Variants in SYT1 observed in about 807,000 individuals in gnomAD.
SYT1 encodes the protein synaptotagmin-1.
Under a neutral mutation model 44.8 loss-of-function variants are expected in SYT1, and 8 were observed. That is an observed-to-expected ratio of 0.18 (90% CI 0.10 to 0.32). The LOEUF (loss-of-function observed/expected upper bound fraction) is 0.32. Among genes scored for constraint, SYT1 ranks in the 10% least tolerant of loss-of-function variants. The probability of loss-of-function intolerance (pLI) is 1.00; values close to 1 mark genes in which losing one functional copy is unlikely to be tolerated. For synonymous variants in SYT1, 154 were observed against 188.8 expected (o/e 0.82, Z 1.51); for missense variants, 286 against 509.3 (o/e 0.56, Z 4.22).
chr12:78,966,597 A>G (rs1868255282), intron 1 of SYT1, among the ~76,000 whole-genome samples: 1 of 152,150 alleles, frequency 6.6e-6, no homozygotes. Flanking sequence ...CTTCCATATT[A>G]CTTATATCAG....
At chr12:78,874,597 T>C (rs1349754926) in intron 1 of SYT1, among the ~76,000 whole-genome samples, 1 of 151,588 alleles carries the variant, frequency 6.6e-6, no homozygotes, top group Non-Finnish European at 1.5e-5. Flanking sequence ...TTTCTCTTTT[T>C]TTATTTTCAG....
At chr12:78,981,568 C>A (rs74499572) in intron 2 of SYT1, among the ~76,000 whole-genome samples, 1 of 151,898 alleles carries the variant, frequency 6.6e-6, no homozygotes, top group Non-Finnish European at 1.5e-5. Flanking sequence ...GAAGGGAGAA[C>A]TAATGAATCT....
rs764080528 is a variant in SYT1 at position 79,200,531 on chromosome 12, T to C, written c.-17-16972T>C. ...TCAAAAGGGTATGAAAGAGTAAGAA[T>C]AGCCCCTCTGCCAGACAGAAAATGC... is the stretch of plus-strand genomic sequence containing the variant. On this transcript the variant is annotated intron_variant, in intron 3 of 10. Coordinates refer to ENST00000261205, the MANE Select transcript of SYT1 (RefSeq NM_005639.3). Among the ~76,000 whole-genome samples the C allele has an allele frequency of 4.0e-4, 61 of 152,086 alleles. 1 individual carries two copies. Among genetic ancestry groups the C allele is most frequent in the Non-Finnish European group, 1.2e-4 (8 of 67,996 alleles).
At chr12:79,401,701 A>G (rs1593036178) in intron 9 of SYT1, among the ~76,000 whole-genome samples, 1 of 149,578 alleles carries the variant, frequency 6.7e-6, no homozygotes, top group Non-Finnish European at 1.5e-5. Context: ...ACAAGGTCTC[A>G]CCCTGCTACC....
At chr12:79,061,769 G>A (rs886618487) in intron 3 of SYT1, among the ~76,000 whole-genome samples, 7 of 152,108 alleles carry the variant, frequency 4.6e-5, no homozygotes, top group African/African-American at 1.7e-4. Flanking sequence ...ATTTTAATTA[G>A]TAAAGAATTT....
In SYT1 at chr12:79,108,382, C is replaced by G. The variant is rs560517647; in HGVS notation, c.-18+61020C>G. 8.6e-5 allele frequency among the ~76,000 whole-genome samples: 13 copies of G among 151,572 alleles called. No homozygotes were observed. In the South Asian group the frequency reaches 2.7e-3, roughly 32 times the overall value. Reference sequence around the variant, plus strand: ...ATGTATCACTTATAATAAAAGTATTCTAATAGAAAATTTTATAAATATTAT... The same window carrying G: ...ATGTATCACTTATAATAAAAGTATTGTAATAGAAAATTTTATAAATATTAT... On this transcript the variant is annotated intron_variant, in intron 3 of 10. Transcript: ENST00000261205.
At chr12:78,925,550 G>C (rs1877255718) in intron 1 of SYT1, among the ~76,000 whole-genome samples, 2 of 151,920 alleles carry the variant, frequency 1.3e-5, no homozygotes, top group East Asian at 3.9e-4. Context: ...TCTTTTTAAA[G>C]TATGTATGTG....
At chr12:79,097,260 A>G (rs77913272) in intron 3 of SYT1, among the ~76,000 whole-genome samples, 3,751 of 152,116 alleles carry the variant, frequency 0.025, 123 homozygotes, top group South Asian at 0.11. Context: ...GAATACAGGT[A>G]TATTCCCTTA....
intron 8 of SYT1, among the ~76,000 whole-genome samples, chr12:79,326,249 G>A (rs1881603098): frequency 6.6e-6 from 1 of 152,206 alleles, no homozygotes; most frequent in African/African-American, 2.4e-5. Context: ...AGAGAGGCCT[G>A]TGACAAGCTA....
In SYT1 at chr12:79,251,048, G is replaced by A. The variant is rs1462885407; in HGVS notation, c.166+33363G>A. The stretch of plus-strand genomic sequence containing the variant: ...TGGAAATACATCAGTAAAGAAGACT[G>A]CAAAATTTCTACCCTTCTGTTGCCT... On this transcript the variant is annotated intron_variant, in intron 4 of 10. Coordinates refer to ENST00000261205, the MANE Select transcript of SYT1 (RefSeq NM_005639.3). Among the ~76,000 whole-genome samples the A allele has an allele frequency of 2.6e-5, 4 of 152,202 alleles. No homozygotes were observed. In the East Asian group the frequency reaches 7.7e-4, roughly 29 times the overall value.
chr12:79,186,106 C>G (rs1028689566), intron 3 of SYT1, among the ~76,000 whole-genome samples: 2 of 151,740 alleles, frequency 1.3e-5, no homozygotes, highest in East Asian at 3.9e-4. Context: ...TAAAACTTTC[C>G]TCTCATCTTT....
chr12:78,915,312 G>T (rs767035794), intron 1 of SYT1, among the ~76,000 whole-genome samples: 15 of 151,996 alleles, frequency 9.9e-5, no homozygotes, highest in Admixed American at 2.0e-4. Flanking sequence ...AATTCAGTGG[G>T]TCTAAGATAT....
At chr12:79,384,442 A>G (rs1884346727) in intron 9 of SYT1, among the ~76,000 whole-genome samples, 1 of 152,202 alleles carries the variant, frequency 6.6e-6, no homozygotes. Context: ...GACAACTTAC[A>G]TTACTTATGA....
rs1322287032 is a variant in SYT1 at position 79,285,875 on chromosome 12, C to G, written c.255C>G (p.Phe85Leu). The G allele has an allele frequency of 6.2e-7, 1 of 1,612,340 alleles. No homozygotes were observed. The highest frequency in any genetic ancestry group is 2.2e-5 in the East Asian group (1 of 44,776). The change falls in exon 5 of 11, where the codon TTC becomes TTG. Residue 85 changes from phenylalanine to leucine, a missense_variant. Physicochemically the swap from Phe to Leu is conservative, Grantham distance 22. Around this residue, in one of 6 missense-constraint regions of SYT1, gnomAD observed 141 missense variants for 165.7 expected, o/e 0.85. Coordinates refer to ENST00000261205, the MANE Select transcript of SYT1 (RefSeq NM_005639.3). ...TTTGTATCTGTAAGAAATGTTTGTT[C>G]AAAAAGAAAAACAAGAAGAAGGGAA... ...CCFCICKKCLFKKKNKKKGKE... is the reference protein window; with the variant it reads ...CCFCICKKCLLKKKNKKKGKE...
intron 2 of SYT1, among the ~76,000 whole-genome samples, chr12:79,009,730 T>G (rs975890752): frequency 5.3e-5 from 8 of 152,320 alleles, no homozygotes; most frequent in Non-Finnish European, 1.0e-4. Flanking sequence ...TTCAGCATTT[T>G]GAAATTTGAT....
chr12:79,211,185 T>A (rs1402725883), intron 3 of SYT1, among the ~76,000 whole-genome samples: 1 of 152,140 alleles, frequency 6.6e-6, no homozygotes, highest in African/African-American at 2.4e-5. Flanking sequence ...GGACACTTTA[T>A]ATACTGTCTC....
chr12:79,400,566 GGGATAATTTGAT>G (rs374139263), intron 9 of SYT1, among the ~76,000 whole-genome samples: 328 of 152,254 alleles, frequency 2.2e-3, no homozygotes, highest in African/African-American at 6.7e-3. Flanking sequence ...AAACACAAAG[GGGATAATTTGAT>G]GGCTGCTTGC....
At chr12:79,249,525 A>G (rs1316096040) in intron 4 of SYT1, among the ~76,000 whole-genome samples, 1 of 152,214 alleles carries the variant, frequency 6.6e-6, no homozygotes, top group Non-Finnish European at 1.5e-5. Flanking sequence ...GGACTAGACT[A>G]GCAGCCCAAT....
intron 2 of SYT1, among the ~76,000 whole-genome samples, chr12:79,004,077 C>T (rs1402609310): frequency 6.6e-6 from 1 of 151,680 alleles, no homozygotes; most frequent in African/African-American, 2.4e-5. Flanking sequence ...AATACTCTAT[C>T]CAAGAAAAGG....
Sources: gnomAD v4.1 joint callset for allele counts (sites outside exome capture counted in the v4.1 genomes callset) on GRCh38, gnomAD v4.1.1 for gene constraint, gnomAD v4.1.1 regional missense constraint, MANE v1.5 for transcripts, NCBI Gene and HGNC (gene_info 2026-07-23, HGNC 2026-07-21) for gene names.